Variants in RYR2 observed in about 807,000 individuals in gnomAD.
The protein encoded by RYR2 is ryanodine receptor 2.
A neutral mutation model predicts 601.1 loss-of-function variants in RYR2; 227 were observed. The ratio of observed to expected loss-of-function variants is 0.38; its 90% confidence interval spans 0.34 to 0.42. RYR2 has a LOEUF of 0.42. Among genes scored for constraint, RYR2 ranks in the 10% least tolerant of loss-of-function variants. The probability of loss-of-function intolerance (pLI) is 1.00; values close to 1 mark genes in which losing one functional copy is unlikely to be tolerated. For synonymous variants in RYR2, 2,223 were observed against 2,175.1 expected, an observed-to-expected ratio of 1.02 and a Z score of -0.61; for missense variants, 4,646 against 6,156.5, an observed-to-expected ratio of 0.75 and a Z score of 8.21.
chr1:237,570,031 C>G (rs948729764), intron 29 of RYR2, among the ~76,000 whole-genome samples: 2 of 152,026 alleles, frequency 1.3e-5, no homozygotes, highest in East Asian at 2.0e-4. Flanking sequence ...GCCTGACCAA[C>G]ATAGTGAAAC....
At chr1:237,582,436 A>T (rs1483718063) in intron 29 of RYR2, among the ~76,000 whole-genome samples, 1 of 151,356 alleles carries the variant, frequency 6.6e-6, no homozygotes, top group Non-Finnish European at 1.5e-5. Context: ...AAAAAAAAAA[A>T]TCAACTTTGA....
rs142231122 is a variant in RYR2, at chr1:237,493,703, T to C, written c.1961+616T>C. 6.7e-3 allele frequency among the ~76,000 whole-genome samples: 1,023 copies of C among 152,294 alleles called. 8 individuals are homozygous for C. The highest frequency in any genetic ancestry group is 0.021 in the African/African-American group (871 of 41,568). On this transcript the variant is annotated intron_variant, in intron 19 of 104. Transcript: ENST00000366574. Reference sequence around the variant, plus strand: ...TCCTGACCTCGTGATCTGCCCGCCTTGGCCTCCCAAAATGCTGGGATTACA... The same window carrying C: ...TCCTGACCTCGTGATCTGCCCGCCTCGGCCTCCCAAAATGCTGGGATTACA...
chr1:237,632,623 C>T (rs1680469851), intron 42 of RYR2, among the ~76,000 whole-genome samples: 1 of 151,974 alleles, frequency 6.6e-6, no homozygotes. Flanking sequence ...GTCTTGATCT[C>T]CTGACCTCAT....
intron 17 of RYR2, among the ~76,000 whole-genome samples, chr1:237,472,719 TAAATG>T (rs1030105348): frequency 2.1e-4 from 31 of 150,420 alleles, no homozygotes; most frequent in African/African-American, 7.1e-4. Context: ...TAGAAAGAAA[TAAATG>T]AAAAGAGGAA....
intron 24 of RYR2, among the ~76,000 whole-genome samples, chr1:237,520,897 G>A (rs1425567308): frequency 6.6e-6 from 1 of 152,080 alleles, no homozygotes; most frequent in African/African-American, 2.4e-5. Context: ...TTAGCTGGGT[G>A]TGATGGTGCA....
intron 63 of RYR2, among the ~76,000 whole-genome samples, chr1:237,690,042 G>GGCCAGGCT (rs1189459144): frequency 6.6e-6 from 1 of 152,022 alleles, no homozygotes; most frequent in African/African-American, 2.4e-5. Flanking sequence ...TCACCATGTT[G>GGCCAGGCT]GCCAGGCTGG....
At position 237,499,846 on chromosome 1, in the gene RYR2, T is replaced by C. The variant is rs529956057; in HGVS notation, c.2204-865T>C. On this transcript the variant is annotated intron_variant, in intron 20 of 104. Coordinates refer to ENST00000366574, the MANE Select transcript of RYR2 (RefSeq NM_001035.3). ...TTGTTTATGTTTATGAGCATGTGTG[T>C]TTGGGAGAACCTTACCTTCTTTTCT... 5.9e-5 allele frequency among the ~76,000 whole-genome samples: 9 copies of C among 152,348 alleles called. No individual in the cohort carries two copies. The South Asian group carries it at 1.7e-3, about 28-fold the overall frequency.
rs1336430244 is a variant in RYR2 at position 237,500,715 on chromosome 1, T to C, written c.2208T>C (p.Cys736=). 1.2e-6 allele frequency: 2 copies of C among 1,604,016 alleles called. No homozygotes were observed. ...GFDGLHLWSG[C]IARTVSSPNQ... ...TTAATGTTTTCCCCCCAATAGGTTG[T>C]ATTGCTCGTACTGTAAGCTCACCAA... The change falls in exon 21 of 105, where the codon TGT becomes TGC. Residue 736 remains cysteine, a synonymous_variant. Transcript: ENST00000366574.
At chr1:237,310,555 T>C (rs533359655) in intron 2 of RYR2, among the ~76,000 whole-genome samples, 1 of 152,280 alleles carries the variant, frequency 6.6e-6, no homozygotes, top group Non-Finnish European at 1.5e-5. Context: ...TGGATTACCA[T>C]ACCCTACCTC....
Position 237,617,311 on chromosome 1 carries a change from G to A in RYR2, c.5741G>A (p.Cys1914Tyr). The A allele has an allele frequency of 1.9e-6, 3 of 1,613,404 alleles. No homozygotes were observed. The highest frequency in any genetic ancestry group is 2.5e-6 in the Non-Finnish European group (3 of 1,179,592). The change falls in exon 38 of 105, where the codon TGT becomes TAT. Residue 1914 changes from cysteine (C) to tyrosine (Y), a missense_variant. By Grantham distance (194) the Cys-to-Tyr change is radical. Around this residue, in one of 17 missense-constraint regions of RYR2, gnomAD observed 1,807 missense variants for 2,088.1 expected, o/e 0.87. Coordinates refer to ENST00000366574, the MANE Select transcript of RYR2 (RefSeq NM_001035.3). ...LQMCLLLQYLCDCQVRHRIEA... is the reference protein window; with the variant it reads ...LQMCLLLQYLYDCQVRHRIEA... ...ATGTGCCTACTGCTTCAGTACCTCT[G>A]TGACTGCCAGGTCCGGCACCGGATA...
chr1:237,240,827 A>G (rs540286125), intron 1 of RYR2, among the ~76,000 whole-genome samples: 1 of 152,258 alleles, frequency 6.6e-6, no homozygotes, highest in East Asian at 1.9e-4. Context: ...CATTGTTTTC[A>G]GTTGGTTGGT....
intron 36 of RYR2, among the ~76,000 whole-genome samples, chr1:237,611,897 CAT>C (rs1176872783): frequency 2.0e-5 from 3 of 152,036 alleles, no homozygotes; most frequent in Admixed American, 1.3e-4. Flanking sequence ...ATAGCGTTAA[CAT>C]GTGATCTAGC....
chr1:237,589,729 T>A lies in RYR2; in HGVS notation c.3599-64T>A, dbSNP rs570477288. On this transcript the variant is annotated intron_variant, in intron 29 of 104. Transcript: ENST00000366574. ...TTCGGTCCTGGAACAATATGTTTGA[T>A]AATTCTATACTAACAGGATCATATA... 2.0e-6 allele frequency: 3 copies of A among 1,491,628 alleles called. No homozygotes were observed. The Admixed American group carries it at 5.6e-5, about 28-fold the overall frequency. 92.4% of individuals were successfully genotyped at this position (1,491,628 alleles called of 1,614,324 possible).
At chr1:237,736,594 T>A (rs1691171402) in intron 79 of RYR2, among the ~76,000 whole-genome samples, 1 of 152,052 alleles carries the variant, frequency 6.6e-6, no homozygotes, top group South Asian at 2.1e-4. Context: ...AAAAGGACAG[T>A]CACCTGCTGA....
chr1:237,142,911 G>A (rs538715819), intron 1 of RYR2, among the ~76,000 whole-genome samples: 15 of 152,132 alleles, frequency 9.9e-5, no homozygotes, highest in Admixed American at 3.3e-4. Flanking sequence ...CGGTAGCACC[G>A]GCTCCCCACT....
At chr1:237,219,953 G>A (rs1372415573) in intron 1 of RYR2, among the ~76,000 whole-genome samples, 1 of 152,290 alleles carries the variant, frequency 6.6e-6, no homozygotes, top group African/African-American at 2.4e-5. Context: ...CAGGAATGAC[G>A]TTCAGCACAT....
chr1:237,702,113 C>G (rs1173271060), intron 66 of RYR2, 54 bp downstream of exon 66: 20 of 972,610 alleles, frequency 2.1e-5, no homozygotes, highest in Non-Finnish European at 2.8e-5. Flanking sequence ...AGTTTTATAA[C>G]TATTTATTTC....
In RYR2 at chr1:237,184,013, C is replaced by G. The variant is rs541962985; in HGVS notation, c.49-86484C>G. On this transcript the variant is annotated intron_variant, in intron 1 of 104. Transcript: ENST00000366574. ...AGATTCCAAACACCATAAGATCTTGCAGTTAAACTGATCAGAATTAATGAC... is the reference window on the plus strand; with the variant it reads ...AGATTCCAAACACCATAAGATCTTGGAGTTAAACTGATCAGAATTAATGAC... Among the ~76,000 whole-genome samples, 3 of 152,296 alleles carry G rather than the reference C, an allele frequency of 2.0e-5. No homozygotes were observed. The South Asian group carries it at 6.2e-4, about 32-fold the overall frequency.
chr1:237,104,631 C>T (rs566448787), intron 1 of RYR2, among the ~76,000 whole-genome samples: 1 of 152,210 alleles, frequency 6.6e-6, no homozygotes, highest in Non-Finnish European at 1.5e-5. Context: ...TTTCTGATAG[C>T]CTTTGTGACT....
Sources: gnomAD v4.1 joint callset for allele counts (sites outside exome capture counted in the v4.1 genomes callset) on GRCh38, gnomAD v4.1.1 for gene constraint, gnomAD v4.1.1 regional missense constraint, MANE v1.5 for transcripts, NCBI Gene and HGNC (gene_info 2026-07-23, HGNC 2026-07-21) for gene names.